SCFD2: variants seen among roughly 807,000 people sequenced by gnomAD.
SCFD2 encodes sec1 family domain containing 2, also known as sec1 family domain-containing protein 2.
Under a neutral mutation model 58.9 loss-of-function variants are expected in SCFD2, and 54 were observed. The observed-to-expected ratio is 0.92, with a 90% CI of 0.74 to 1.15. The LOEUF (loss-of-function observed/expected upper bound fraction) is 1.15. SCFD2 is among the 50% of genes most tolerant of loss of function. The pLI is 0.00. For synonymous variants in SCFD2, 321 were observed against 335.9 expected, an observed-to-expected ratio of 0.96 and a Z score of 0.49; for missense variants, 805 against 836.6, an observed-to-expected ratio of 0.96 and a Z score of 0.47.
intron 3 of SCFD2, among the ~76,000 whole-genome samples, chr4:53,284,654 C>A (rs1021521375): frequency 1.3e-5 from 2 of 152,188 alleles, no homozygotes; most frequent in African/African-American, 4.8e-5. Context: ...ACTGCCTACA[C>A]TTCTTACCTC....
chr4:52,878,797 T>C (rs2109440067), intron 8 of SCFD2, among the ~76,000 whole-genome samples: 1 of 152,256 alleles, frequency 6.6e-6, no homozygotes, highest in Non-Finnish European at 1.5e-5. Context: ...CTGAAGAAAA[T>C]TCCCATGGGT....
At chr4:53,156,933 T>C (rs1354869513) in intron 4 of SCFD2, among the ~76,000 whole-genome samples, 1 of 152,226 alleles carries the variant, frequency 6.6e-6, no homozygotes, top group East Asian at 1.9e-4. Flanking sequence ...AAGAATGACA[T>C]AGAAGTTACA....
chr4:53,089,664 A>C (rs571024462), intron 5 of SCFD2, among the ~76,000 whole-genome samples: 1 of 152,266 alleles, frequency 6.6e-6, no homozygotes, highest in South Asian at 2.1e-4. Flanking sequence ...ATAACAAAAG[A>C]TTTTTTTCTA....
At chr4:53,108,951 G>A (rs920751881) in intron 5 of SCFD2, among the ~76,000 whole-genome samples, 13 of 152,256 alleles carry the variant, frequency 8.5e-5, no homozygotes, top group Admixed American at 1.3e-4. Flanking sequence ...GATGAACATC[G>A]ATGAGAAAAT....
intron 5 of SCFD2, among the ~76,000 whole-genome samples, chr4:53,076,294 C>A (rs947581933): frequency 2.0e-5 from 3 of 151,460 alleles, no homozygotes; most frequent in African/African-American, 7.3e-5. Context: ...TAAAAAAATT[C>A]CAATTTTATA....
chr4:53,225,754 T>C (rs1729192564), intron 4 of SCFD2, among the ~76,000 whole-genome samples: 1 of 152,224 alleles, frequency 6.6e-6, no homozygotes, highest in African/African-American at 2.4e-5. Flanking sequence ...TCTACCAAGA[T>C]CACTCAGTAA....
intron 4 of SCFD2, among the ~76,000 whole-genome samples, chr4:53,185,395 A>C (rs143179802): frequency 1.3e-5 from 2 of 152,164 alleles, no homozygotes; most frequent in African/African-American, 4.8e-5. Context: ...AGCTGCTTTG[A>C]ATTATAATAA....
chr4:53,298,104 C>G (rs1317741316), intron 3 of SCFD2, among the ~76,000 whole-genome samples: 1 of 152,098 alleles, frequency 6.6e-6, no homozygotes, highest in African/African-American at 2.4e-5. Context: ...GGGTGCAGGA[C>G]AGTGGGAGCA....
intron 5 of SCFD2, among the ~76,000 whole-genome samples, chr4:53,027,943 A>C (rs1424904913): frequency 6.6e-6 from 1 of 151,716 alleles, no homozygotes; most frequent in African/African-American, 2.4e-5. Flanking sequence ...AGCAATATTA[A>C]AGTTTTAAGA....
At chr4:53,037,083 A>C (rs1722782987) in intron 5 of SCFD2, among the ~76,000 whole-genome samples, 1 of 152,172 alleles carries the variant, frequency 6.6e-6, no homozygotes, top group Admixed American at 6.6e-5. Flanking sequence ...TAAAAAGTGA[A>C]TATCCCTGTA....
At chr4:53,213,608 A>C (rs1382337532) in intron 4 of SCFD2, among the ~76,000 whole-genome samples, 1 of 152,112 alleles carries the variant, frequency 6.6e-6, no homozygotes, top group Non-Finnish European at 1.5e-5. Flanking sequence ...ATTCTGCTTC[A>C]AAGAGTTCTT....
intron 8 of SCFD2, among the ~76,000 whole-genome samples, chr4:52,882,616 C>G (rs1718644124): frequency 6.6e-6 from 1 of 152,178 alleles, no homozygotes; most frequent in South Asian, 2.1e-4. Context: ...CGTGGAAAGA[C>G]TAGACTGGCT....
At chr4:53,112,083 C>T (rs1170830954) in intron 5 of SCFD2, among the ~76,000 whole-genome samples, 1 of 151,998 alleles carries the variant, frequency 6.6e-6, no homozygotes, top group Admixed American at 6.6e-5. Context: ...AGAGCTAGGC[C>T]GGGAATTTTT....
At chr4:53,256,818 C>T (rs1560415983) in intron 4 of SCFD2, among the ~76,000 whole-genome samples, 1 of 149,504 alleles carries the variant, frequency 6.7e-6, no homozygotes, top group Non-Finnish European at 1.5e-5. Flanking sequence ...GGCAGCAGTA[C>T]AGTCCAGCTT....
intron 5 of SCFD2, among the ~76,000 whole-genome samples, chr4:52,939,586 A>G (rs531769043): frequency 1.3e-5 from 2 of 152,330 alleles, no homozygotes; most frequent in African/African-American, 4.8e-5. Context: ...AGAGTGAACA[A>G]GACAGTTCTG....
At chr4:53,053,503 T>A (rs1472817218) in intron 5 of SCFD2, among the ~76,000 whole-genome samples, 1 of 152,192 alleles carries the variant, frequency 6.6e-6, no homozygotes, top group Non-Finnish European at 1.5e-5. Context: ...AAGGTCTAAA[T>A]TCTCAGCAAG....
chr4:53,331,052 T>G (rs1467592543), intron 2 of SCFD2, among the ~76,000 whole-genome samples: 1 of 151,724 alleles, frequency 6.6e-6, no homozygotes, highest in Non-Finnish European at 1.5e-5. Context: ...CTAACTATCC[T>G]AAATATATAT....
chr4:53,080,375 A>C (rs575386691), intron 5 of SCFD2, among the ~76,000 whole-genome samples: 1 of 152,338 alleles, frequency 6.6e-6, no homozygotes, highest in Admixed American at 6.5e-5. Context: ...TTGTTGTTTT[A>C]TAGGATATTT....
chr4:53,259,123 T>C (rs1471765072), intron 4 of SCFD2, among the ~76,000 whole-genome samples: 1 of 151,958 alleles, frequency 6.6e-6, no homozygotes, highest in Non-Finnish European at 1.5e-5. Context: ...ATATTACTTC[T>C]TAGTCAGATG....
Sources: allele counts gnomAD v4.1 joint callset (sites outside exome capture counted in the v4.1 genomes callset), GRCh38; gene constraint gnomAD v4.1.1; transcripts MANE v1.5; gene names NCBI Gene and HGNC (gene_info 2026-07-23, HGNC 2026-07-21).